Variants in ADAM12 observed in about 807,000 individuals in gnomAD.
The protein encoded by ADAM12 is ADAM metallopeptidase domain 12.
A neutral mutation model predicts 106.4 loss-of-function variants in ADAM12; 70 were observed. The observed-to-expected ratio is 0.66, with a 90% confidence interval of 0.54 to 0.80. The LOEUF is 0.80. ADAM12 is among the 30% of genes least tolerant of loss of function. The pLI is 0.00. For missense variants in ADAM12, 1,010 were observed against 1,171.9 expected (o/e 0.86, Z 2.02); for synonymous variants, 420 against 433.5 (o/e 0.97, Z 0.39).
At chr10:126,291,767 C>T (rs1960159908) in intron 2 of ADAM12, among the ~76,000 whole-genome samples, 1 of 152,068 alleles carries the variant, frequency 6.6e-6, no homozygotes, top group South Asian at 2.1e-4. Context: ...ATTGAGGACT[C>T]AAGGCAAAAG....
rs891229682 is a variant in ADAM12 at position 126,116,891 on chromosome 10, A to G, written c.603+1147T>C. Among the ~76,000 whole-genome samples, 10 of 152,314 alleles carry G rather than the reference A, an allele frequency of 6.6e-5. No individual in the cohort carries two copies. The South Asian group carries it at 8.3e-4, about 13-fold the overall frequency. On this transcript the variant is annotated intron_variant, in intron 6 of 22. Coordinates refer to ENST00000448723, the MANE Select transcript of ADAM12 (RefSeq NM_001288973.2). ...ATAACCCCTACTGTTTCCAACTAGA[A>G]AAATGATTTAGAATGAACCAAGAAT...
intron 1 of ADAM12, among the ~76,000 whole-genome samples, chr10:126,357,014 GA>G (rs1278483096): frequency 2.0e-5 from 3 of 152,152 alleles, no homozygotes; most frequent in African/African-American, 7.2e-5. Flanking sequence ...TTCAGAAGAA[GA>G]AAGAGAAAAA....
At chr10:126,225,014 T>C (rs1958165146) in intron 3 of ADAM12, among the ~76,000 whole-genome samples, 1 of 152,200 alleles carries the variant, frequency 6.6e-6, no homozygotes, top group African/African-American at 2.4e-5. Context: ...TGAGTCAGGT[T>C]TGGGAGTGAG....
At chr10:126,155,365 G>T in intron 3 of ADAM12, 60 bp from the exon 4 acceptor site, 2 of 1,462,110 alleles carry the variant, frequency 1.4e-6, no homozygotes, top group Non-Finnish European at 1.9e-6. Context: ...ATACATTGTT[G>T]TGAATGTCTA....
At chr10:126,069,557 T>C (rs143126396) in intron 12 of ADAM12, among the ~76,000 whole-genome samples, 1 of 152,306 alleles carries the variant, frequency 6.6e-6, no homozygotes, top group Non-Finnish European at 1.5e-5. Flanking sequence ...GACTCCTTCA[T>C]GGAGAAAAGA....
intron 4 of ADAM12, 87 bp downstream of exon 4, chr10:126,155,140 T>G: frequency 7.0e-7 from 1 of 1,438,008 alleles, no homozygotes; most frequent in Non-Finnish European, 9.7e-7. Flanking sequence ...TCTGGGCATG[T>G]GATTTTGCTC....
Position 126,135,567 on chromosome 10 carries a change from T to C in ADAM12, c.416+17A>G, listed in dbSNP as rs1336184622. 3 of 1,612,528 alleles carry C rather than the reference T, an allele frequency of 1.9e-6. No individual in the cohort carries two copies. The highest frequency in any genetic ancestry group is 1.7e-6 in the Non-Finnish European group (2 of 1,178,538). On this transcript the variant is annotated intron_variant, in intron 5 of 22. Transcript: ENST00000448723. ...AGATGGCTGAAGACTAGAGCCGCCA[T>C]GGTCATGGCCACTTACCTGAGACCA... is the stretch of plus-strand genomic sequence containing the variant.
intron 11 of ADAM12, among the ~76,000 whole-genome samples, chr10:126,075,926 A>G (rs765457418): frequency 2.6e-5 from 4 of 152,140 alleles, no homozygotes; most frequent in Non-Finnish European, 5.9e-5. Context: ...ATTTTTATTT[A>G]TTTTAAATAA....
At chr10:126,274,379 C>T (rs572253359) in intron 3 of ADAM12, among the ~76,000 whole-genome samples, 1 of 152,302 alleles carries the variant, frequency 6.6e-6, no homozygotes, top group African/African-American at 2.4e-5. Context: ...GTGGCAGTCA[C>T]CTTTTTAGCA....
intron 5 of ADAM12, among the ~76,000 whole-genome samples, chr10:126,134,314 A>T (rs558922888): frequency 6.6e-6 from 1 of 152,248 alleles, no homozygotes; most frequent in South Asian, 2.1e-4. Context: ...GGAGAGACAG[A>T]CAGGGTTGGG....
chr10:126,154,355 C>T (rs889155452), intron 4 of ADAM12, among the ~76,000 whole-genome samples: 1 of 152,186 alleles, frequency 6.6e-6, no homozygotes, highest in East Asian at 1.9e-4. Flanking sequence ...GGGAGAGCTA[C>T]AGCAGCTCAT....
intron 3 of ADAM12, among the ~76,000 whole-genome samples, chr10:126,248,345 C>T (rs1463608315): frequency 6.6e-6 from 1 of 152,186 alleles, no homozygotes; most frequent in East Asian, 1.9e-4. Flanking sequence ...CAGAGCCTGG[C>T]ATATAACAAA....
chr10:126,075,970 T>C (rs1374554917), intron 11 of ADAM12, among the ~76,000 whole-genome samples: 1 of 152,222 alleles, frequency 6.6e-6, no homozygotes, highest in Non-Finnish European at 1.5e-5. Flanking sequence ...GGGGTACATG[T>C]GCAAATTTGT....
chr10:126,288,946 G>A (rs537913842), intron 2 of ADAM12, among the ~76,000 whole-genome samples: 16 of 151,904 alleles, frequency 1.1e-4, no homozygotes, highest in Non-Finnish European at 2.1e-4. Context: ...ATGATGACAT[G>A]GTAGCCCTGA....
intron 11 of ADAM12, among the ~76,000 whole-genome samples, chr10:126,084,557 C>A (rs1458118643): frequency 6.6e-6 from 1 of 152,212 alleles, no homozygotes; most frequent in Non-Finnish European, 1.5e-5. Flanking sequence ...TACGCTAGTT[C>A]TTTCTGCTGA....
intron 21 of ADAM12, among the ~76,000 whole-genome samples, chr10:126,029,508 T>C (rs1054386342): frequency 2.0e-5 from 3 of 152,090 alleles, no homozygotes; most frequent in Non-Finnish European, 2.9e-5. Flanking sequence ...AAATACCCCA[T>C]GTTTTCACTT....
chr10:126,153,497 G>T (rs1176476931), intron 4 of ADAM12, among the ~76,000 whole-genome samples: 1 of 152,116 alleles, frequency 6.6e-6, no homozygotes. Flanking sequence ...TGTTTCCTGT[G>T]TGTGTTTTTA....
intron 5 of ADAM12, among the ~76,000 whole-genome samples, chr10:126,129,751 A>G (rs1421793695): frequency 6.6e-6 from 1 of 152,226 alleles, no homozygotes; most frequent in Non-Finnish European, 1.5e-5. Context: ...TTTCAAAGTA[A>G]GAATAAACTC....
At position 126,049,423 on chromosome 10, in the gene ADAM12, G is replaced by T; in HGVS notation, c.1747C>A (p.Gln583Lys). The change falls in exon 16 of 23, where the codon CAA becomes AAA. Residue 583 changes from glutamine (Q) to lysine (K), a missense_variant. Gln to Lys is a moderately conservative substitution (Grantham distance 53). Transcript: ENST00000448723. The surrounding 1 kb of genome is among the most constrained non-coding windows in gnomAD (Gnocchi z 4.4). ...RDAKCGKIQC[Q>K]GGASRPVIGT... ...ATGACTGGCCGGCTGGCACCTCCTT[G>T]ACACTGGATTTTTCCACATTTAGCA... 1 of 1,614,158 alleles carries T rather than the reference G, an allele frequency of 6.2e-7. No individual in the cohort carries two copies. The highest frequency in any genetic ancestry group is 1.1e-5 in the South Asian group (1 of 91,076).
Sources: gnomAD v4.1 joint callset for allele counts (sites outside exome capture counted in the v4.1 genomes callset) on GRCh38, gnomAD v4.1.1 for gene constraint, Gnocchi (gnomAD v3.1) non-coding constraint, MANE v1.5 for transcripts, NCBI Gene and HGNC (gene_info 2026-07-23, HGNC 2026-07-21) for gene names.